Variants in PRKCQ observed in about 807,000 individuals in gnomAD.
The protein encoded by PRKCQ is protein kinase C theta type.
Under a neutral mutation model 91.2 loss-of-function variants are expected in PRKCQ, and 41 were observed. The observed-to-expected ratio is 0.45, with a 90% CI of 0.35 to 0.58. PRKCQ has a LOEUF of 0.58. Ranked by LOEUF, PRKCQ falls within the 20% of genes least tolerant of loss-of-function variation. The probability of loss-of-function intolerance (pLI) is 0.00; values close to 1 mark genes in which losing one functional copy is unlikely to be tolerated. For synonymous variants in PRKCQ, 307 were observed against 316.9 expected, an observed-to-expected ratio of 0.97 and a Z score of 0.33; for missense variants, 673 against 896.5, an observed-to-expected ratio of 0.75 and a Z score of 3.18.
intron 1 of PRKCQ, among the ~76,000 whole-genome samples, chr10:6,524,618 C>A (rs779791948): frequency 6.6e-6 from 1 of 152,192 alleles, no homozygotes; most frequent in South Asian, 2.1e-4. Context: ...TGAGAAAGGT[C>A]CCCTCTTACA....
At chr10:6,556,693 A>C (rs1011287489) in intron 1 of PRKCQ, among the ~76,000 whole-genome samples, 2 of 152,098 alleles carry the variant, frequency 1.3e-5, no homozygotes, top group Non-Finnish European at 2.9e-5. Flanking sequence ...TACAATAAAA[A>C]ACAATGAATT....
At chr10:6,544,672 G>A (rs993998003) in intron 1 of PRKCQ, among the ~76,000 whole-genome samples, 2 of 150,590 alleles carry the variant, frequency 1.3e-5, no homozygotes, top group Admixed American at 6.6e-5. Context: ...ATAGGCTGGA[G>A]TGCAGTGGCA....
intron 15 of PRKCQ, among the ~76,000 whole-genome samples, chr10:6,454,375 G>A (rs1230346873): frequency 1.3e-5 from 2 of 152,112 alleles, no homozygotes; most frequent in Admixed American, 6.6e-5. Context: ...CAGTAAGGGC[G>A]AGAGGACCTG....
At chr10:6,404,255 G>GAAAGAGAGA in the PRKCQ span, among the ~76,000 whole-genome samples, 1 of 34,360 alleles carries the variant, frequency 2.9e-5, no homozygotes, top group Non-Finnish European at 6.1e-5. Context: ...GAAGGGGGGG[G>GAAAGAGAGA]GAGAGAGAGA....
intron 2 of PRKCQ, among the ~76,000 whole-genome samples, chr10:6,511,491 C>T (rs997065716): frequency 6.6e-6 from 1 of 152,214 alleles, no homozygotes; most frequent in African/African-American, 2.4e-5. Context: ...CTAAGTTCTG[C>T]TGCTCACCGC....
chr10:6,417,597 T>G, the PRKCQ span, among the ~76,000 whole-genome samples: 579 of 152,352 alleles, frequency 3.8e-3, 5 homozygotes, highest in African/African-American at 0.013. Flanking sequence ...CCATCCATGC[T>G]TGTCCTGGCA....
At chr10:6,552,268 A>G (rs1840216211) in intron 1 of PRKCQ, among the ~76,000 whole-genome samples, 1 of 152,124 alleles carries the variant, frequency 6.6e-6, no homozygotes, top group Non-Finnish European at 1.5e-5. Flanking sequence ...TACATGTTTT[A>G]TATACCTGTA....
In PRKCQ at chr10:6,430,901, C is replaced by T. The variant is rs1480774596; in HGVS notation, c.1874G>A (p.Arg625Lys). 5 of 1,614,184 alleles carry T rather than the reference C, an allele frequency of 3.1e-6. No homozygotes were observed. The highest frequency in any genetic ancestry group is 1.6e-4 in the Middle Eastern group (1 of 6,062). Residue 625 changes from arginine (R) to lysine (K), a missense_variant, in exon 17 of 18, where the codon AGG becomes AAG. Arg to Lys is a conservative substitution (Grantham distance 26). Transcript: ENST00000263125. The surrounding 1 kb of genome is among the most constrained non-coding windows in gnomAD (Gnocchi z 4.7). ...VREPEKRLGV[R>K]GDIRQHPLFR... The stretch of plus-strand genomic sequence containing the variant: ...CAAAGGGTGCTGGCGGATGTCTCCC[C>T]TCACGCCCAGCCTCTTCTCAGGTTC...
chr10:6,482,237 AG>A (rs1211422701), intron 11 of PRKCQ, among the ~76,000 whole-genome samples: 1 of 152,156 alleles, frequency 6.6e-6, no homozygotes, highest in Non-Finnish European at 1.5e-5. Context: ...ACCTTCAAAG[AG>A]GTAATTAAGG....
chr10:6,484,278 G>A (rs577787935), intron 10 of PRKCQ, among the ~76,000 whole-genome samples: 2 of 152,304 alleles, frequency 1.3e-5, no homozygotes, highest in East Asian at 3.9e-4. Context: ...GCTGGGTGCG[G>A]TTGTGTGCGC....
chr10:6,429,041 C>T (rs539635738), intron 17 of PRKCQ, among the ~76,000 whole-genome samples: 8 of 152,206 alleles, frequency 5.3e-5, no homozygotes, highest in Admixed American at 1.3e-4. Context: ...ATTCAGTGTC[C>T]CAAGATTGAG....
At chr10:6,394,946 C>A in the PRKCQ span, among the ~76,000 whole-genome samples, 1 of 152,042 alleles carries the variant, frequency 6.6e-6, no homozygotes, top group Admixed American at 6.6e-5. Flanking sequence ...TGTAACCATC[C>A]AGTGGGTTCA....
At chr10:6,470,821 C>T (rs1475785037) in intron 12 of PRKCQ, among the ~76,000 whole-genome samples, 1 of 151,826 alleles carries the variant, frequency 6.6e-6, no homozygotes, top group Non-Finnish European at 1.5e-5. Context: ...CATGGTGGCA[C>T]ACACCTGTAA....
rs1463780969 is a variant in PRKCQ, at chr10:6,519,974, A to T, written c.-9-4830T>A. Among the ~76,000 whole-genome samples the T allele has an allele frequency of 2.0e-5, 3 of 152,198 alleles. No individual in the cohort carries two copies. The East Asian group carries it at 5.8e-4, about 29-fold the overall frequency. ...TCCCGGTGTGCAAACTGATATTGCC[A>T]ATAAAGTTCTTTTCTACTGTTCAGC... On this transcript the variant is annotated intron_variant, in intron 1 of 17. Coordinates refer to ENST00000263125, the MANE Select transcript of PRKCQ (RefSeq NM_006257.5).
At chr10:6,504,783 G>C (rs913544043) in intron 4 of PRKCQ, among the ~76,000 whole-genome samples, 2 of 151,912 alleles carry the variant, frequency 1.3e-5, no homozygotes, top group African/African-American at 2.4e-5. Flanking sequence ...TTCTAGTTAG[G>C]TTATTCCATA....
intron 8 of PRKCQ, chr10:6,489,466 T>C (rs554435458): frequency 1.9e-6 from 1 of 531,336 alleles, no homozygotes; most frequent in Non-Finnish European, 3.9e-6. Context: ...TTGGGAATTA[T>C]TGTGGGGAGA....
the PRKCQ span, among the ~76,000 whole-genome samples, chr10:6,398,045 T>C: frequency 8.5e-5 from 13 of 152,380 alleles, no homozygotes; most frequent in African/African-American, 3.1e-4. Flanking sequence ...CATTTTGAGC[T>C]GCTTTTTGTG....
At chr10:6,545,576 G>A (rs1371886403) in intron 1 of PRKCQ, among the ~76,000 whole-genome samples, 1 of 152,188 alleles carries the variant, frequency 6.6e-6, no homozygotes, top group Non-Finnish European at 1.5e-5. Flanking sequence ...GTGGCTCCCG[G>A]GAACTTGGAA....
intron 10 of PRKCQ, among the ~76,000 whole-genome samples, chr10:6,484,097 C>A (rs2130780553): frequency 6.6e-6 from 1 of 152,328 alleles, no homozygotes. Context: ...CTGCATCATT[C>A]ATCCCAGAAT....
Sources: gnomAD v4.1 joint callset for allele counts (sites outside exome capture counted in the v4.1 genomes callset) on GRCh38, gnomAD v4.1.1 for gene constraint, Gnocchi (gnomAD v3.1) non-coding constraint, MANE v1.5 for transcripts, NCBI Gene and HGNC (gene_info 2026-07-23, HGNC 2026-07-21) for gene names.